Variants in RALGAPA2 observed in about 807,000 individuals in gnomAD.
RALGAPA2 encodes Ral GTPase activating protein catalytic subunit alpha 2.
In RALGAPA2, 139 loss-of-function variants were observed where a neutral mutation model predicts 230.4. That is an observed-to-expected ratio of 0.60 (90% confidence interval 0.53 to 0.69). The LOEUF (loss-of-function observed/expected upper bound fraction) is 0.69, where lower values mean the gene tolerates loss of function less well. Among genes scored for constraint, RALGAPA2 ranks in the 30% least tolerant of loss-of-function variants. The pLI, the probability that RALGAPA2 is intolerant of heterozygous loss-of-function variation, is 0.00. For missense variants in RALGAPA2, 2,163 were observed against 2,276.0 expected (o/e 0.95, Z 1.01); for synonymous variants, 847 against 837.8 (o/e 1.01, Z -0.19).
At chr20:20,572,790 A>G in intron 21 of RALGAPA2, 85 bp downstream of exon 21, 2 of 1,159,858 alleles carry the variant, frequency 1.7e-6, no homozygotes, top group South Asian at 3.9e-5. Flanking sequence ...GAATATGTTC[A>G]GTAGTTAACT....
At chr20:20,558,807 T>TA (rs35519955) in intron 23 of RALGAPA2, among the ~76,000 whole-genome samples, 7,465 of 91,126 alleles carry the variant, frequency 0.082, 244 homozygotes, top group Non-Finnish European at 0.1. Flanking sequence ...TCAACTCTGC[T>TA]AAAAAAAAAA....
chr20:20,404,886 T>C (rs1434671546), intron 38 of RALGAPA2, among the ~76,000 whole-genome samples: 2 of 152,190 alleles, frequency 1.3e-5, no homozygotes, highest in Non-Finnish European at 2.9e-5. Flanking sequence ...CACTTCAAAA[T>C]GAATGATCTC....
chr20:20,693,106 T>C (rs1211688225), intron 1 of RALGAPA2, among the ~76,000 whole-genome samples: 1 of 152,176 alleles, frequency 6.6e-6, no homozygotes, highest in Non-Finnish European at 1.5e-5. Flanking sequence ...GTAAACCAGA[T>C]GTAGAACATC....
chr20:20,702,790 C>G (rs1316966896), intron 1 of RALGAPA2, among the ~76,000 whole-genome samples: 1 of 152,208 alleles, frequency 6.6e-6, no homozygotes, highest in East Asian at 1.9e-4. Context: ...TATGTGTCAT[C>G]ACCTGAAATC....
rs1414425678 is a variant in RALGAPA2, at chr20:20,571,629, T to C, written c.3001-16A>G. On this transcript the variant is annotated splice_polypyrimidine_tract_variant and intron_variant, in intron 22 of 39. Transcript: ENST00000202677. ...GTGTCGCCGCCTGTCAAGGAGATGA[T>C]GTTTCCAGATTAAATCAAGCCCAGG... 2 of 1,604,110 alleles carry C rather than the reference T, an allele frequency of 1.2e-6. No individual in the cohort carries two copies. The highest frequency in any genetic ancestry group is 1.7e-6 in the Non-Finnish European group (2 of 1,175,222).
Position 20,712,624 on chromosome 20 carries a change from C to T in RALGAPA2, c.-144G>A. On this transcript the variant is annotated 5_prime_UTR_variant, in exon 1 of 40. Transcript: ENST00000202677. This position sits in a 1 kb window ranked among gnomAD's most constrained non-coding sequence, Gnocchi z 5.5. ...CTGCTGCCGCCGCCGCCGCCGCCGC[C>T]GCCGCCTCAGCTGTGTCTCCAGGAA... 1 of 1,190,090 alleles carries T rather than the reference C, an allele frequency of 8.4e-7. No individual in the cohort carries two copies. Among genetic ancestry groups the T allele is most frequent in the Non-Finnish European group, 1.0e-6 (1 of 956,922 alleles). The allele number at this position is 1,190,090 out of a possible 1,614,324, so 73.7% of individuals were successfully genotyped here. A position where few individuals can be genotyped will look rare whatever the true frequency, so the allele number is the denominator to read the frequency against.
chr20:20,508,854 A>G (rs781689176), intron 33 of RALGAPA2, among the ~76,000 whole-genome samples: 2 of 152,218 alleles, frequency 1.3e-5, no homozygotes, highest in Admixed American at 6.5e-5. Context: ...AAGACACTAA[A>G]TCCAGGAGTT....
chr20:20,601,622 C>G, intron 16 of RALGAPA2, 60 bp downstream of exon 16: 1 of 1,533,820 alleles, frequency 6.5e-7, no homozygotes, highest in East Asian at 2.3e-5. Flanking sequence ...ACACTTTATG[C>G]CTATAAATTT....
At chr20:20,463,398 C>T (rs1490662579) in intron 37 of RALGAPA2, among the ~76,000 whole-genome samples, 1 of 152,038 alleles carries the variant, frequency 6.6e-6, no homozygotes, top group Non-Finnish European at 1.5e-5. Flanking sequence ...TTTGTACCCG[C>T]TTTTGATAAT....
chr20:20,443,336 A>AG (rs1569404927), intron 37 of RALGAPA2, among the ~76,000 whole-genome samples: 1 of 152,206 alleles, frequency 6.6e-6, no homozygotes, highest in Non-Finnish European at 1.5e-5. Context: ...TCCTCCAGTG[A>AG]ATGAATGGCT....
chr20:20,639,089 C>T (rs1490225189), intron 7 of RALGAPA2, among the ~76,000 whole-genome samples: 1 of 152,110 alleles, frequency 6.6e-6, no homozygotes, highest in Non-Finnish European at 1.5e-5. Context: ...GGGCTTGCCA[C>T]TTTAGCAGTG....
intron 36 of RALGAPA2, among the ~76,000 whole-genome samples, chr20:20,487,366 G>A (rs921356320): frequency 5.9e-5 from 9 of 152,152 alleles, no homozygotes; most frequent in African/African-American, 1.9e-4. Context: ...TCTTTCAGCT[G>A]TACTCCCTGT....
intron 37 of RALGAPA2, among the ~76,000 whole-genome samples, chr20:20,428,410 A>T (rs1368875941): frequency 3.3e-5 from 5 of 152,362 alleles, no homozygotes; most frequent in Admixed American, 3.3e-4. Flanking sequence ...AGAAAAAAAA[A>T]TAGCCAAATT....
intron 15 of RALGAPA2, among the ~76,000 whole-genome samples, chr20:20,602,397 A>G (rs750432484): frequency 3.3e-5 from 5 of 152,268 alleles, no homozygotes; most frequent in Non-Finnish European, 7.3e-5. Context: ...AAAACATTGT[A>G]GTCTGAGATT....
At chr20:20,640,673 A>C (rs776443057) in intron 6 of RALGAPA2, 28 bp downstream of exon 6, 13 of 1,576,450 alleles carry the variant, frequency 8.2e-6, no homozygotes, top group Non-Finnish European at 8.7e-7. Flanking sequence ...AGTAATTTCA[A>C]CATGGGAGAT....
rs144251564 is a variant in RALGAPA2, at chr20:20,535,902, G to A, written c.3415-99C>T. 2,192 of 1,443,186 alleles carry A rather than the reference G, an allele frequency of 1.5e-3. 30 individuals are homozygous for A. In the African/African-American group the frequency reaches 0.027, roughly 18 times the overall value. The allele number at this position is 1,443,186 out of a possible 1,614,324, so 89.4% of individuals were successfully genotyped here. The stretch of plus-strand genomic sequence containing the variant: ...AGGCAGCCAGGAGCTACTGAAGTTC[G>A]ACCAGGGAGCTCAGAGAGCTCATCT... On this transcript the variant is annotated intron_variant, in intron 25 of 39. Transcript: ENST00000202677.
chr20:20,615,904 A>AAC, intron 13 of RALGAPA2, 139 bp downstream of exon 13: 1 of 613,276 alleles, frequency 1.6e-6, no homozygotes, highest in Non-Finnish European at 2.5e-6. Flanking sequence ...CTTCTTCATA[A>AAC]TTCACAGAAA....
At chr20:20,498,503 T>C (rs2123640817) in intron 35 of RALGAPA2, among the ~76,000 whole-genome samples, 1 of 152,328 alleles carries the variant, frequency 6.6e-6, no homozygotes, top group South Asian at 2.1e-4. Context: ...GCTGACCTCC[T>C]TTCTCGACTA....
chr20:20,598,713 A>C, intron 16 of RALGAPA2: 1 of 456,438 alleles, frequency 2.2e-6, no homozygotes, highest in South Asian at 1.6e-5. Context: ...AGTAAGAGAG[A>C]CCAGGTAAGA....
Sources: allele counts gnomAD v4.1 joint callset (sites outside exome capture counted in the v4.1 genomes callset), GRCh38; gene constraint gnomAD v4.1.1; non-coding constraint Gnocchi (gnomAD v3.1); transcripts MANE v1.5; gene names NCBI Gene and HGNC (gene_info 2026-07-23, HGNC 2026-07-21).